CLEC16A: variants seen among roughly 807,000 people sequenced by gnomAD.
CLEC16A encodes protein CLEC16A.
In CLEC16A, 51 loss-of-function variants were observed where a neutral mutation model predicts 109.5. The observed-to-expected ratio is 0.47, with a 90% CI of 0.37 to 0.59. CLEC16A has a LOEUF of 0.59. Ranked by LOEUF, CLEC16A falls within the 20% of genes least tolerant of loss-of-function variation. The pLI, the probability that CLEC16A is intolerant of heterozygous loss-of-function variation, is 0.00. For missense variants in CLEC16A, 1,339 were observed against 1,394.0 expected (o/e 0.96, Z 0.63); for synonymous variants, 673 against 564.2 (o/e 1.19, Z -2.73).
intron 6 of CLEC16A, 60 bp from the exon 7 acceptor site, chr16:10,972,878 A>G: frequency 1.4e-6 from 2 of 1,460,646 alleles, no homozygotes; most frequent in South Asian, 1.4e-5. Flanking sequence ...TTTTTTTTTT[A>G]ATCTTCCCCA....
chr16:11,053,968 A>G (rs897154159), intron 18 of CLEC16A, among the ~76,000 whole-genome samples: 1 of 152,274 alleles, frequency 6.6e-6, no homozygotes, highest in Non-Finnish European at 1.5e-5. Context: ...GCATTAGGTC[A>G]GGTCACTAAT....
intron 9 of CLEC16A, among the ~76,000 whole-genome samples, chr16:10,979,783 T>C (rs1270404303): frequency 6.6e-6 from 1 of 152,134 alleles, no homozygotes. Flanking sequence ...GCAACCTTGG[T>C]GTAACAAACT....
intron 19 of CLEC16A, among the ~76,000 whole-genome samples, chr16:11,108,418 G>T (rs987247741): frequency 2.0e-5 from 3 of 152,262 alleles, no homozygotes; most frequent in African/African-American, 4.8e-5. Context: ...CCACCAGGGA[G>T]TTAAACCCTC....
intron 19 of CLEC16A, among the ~76,000 whole-genome samples, chr16:11,082,385 C>A (rs2049775343): frequency 6.6e-6 from 1 of 152,222 alleles, no homozygotes; most frequent in Non-Finnish European, 1.5e-5. Context: ...TCCGGTCTTT[C>A]AATTCTCTTC....
Position 11,120,599 on chromosome 16 carries a change from A to C in CLEC16A, c.2117-16A>C, listed in dbSNP as rs989027020. 3 of 1,600,532 alleles carry C rather than the reference A, an allele frequency of 1.9e-6. No individual in the cohort carries two copies. The highest frequency in any genetic ancestry group is 2.6e-6 in the Non-Finnish European group (3 of 1,171,884). ...CCAGACTGTGCCTCATTCTCTTCTC[A>C]CCTTCCTCCTCCCAGATAACAGCGA... On this transcript the variant is annotated splice_polypyrimidine_tract_variant and intron_variant, in intron 19 of 23. Transcript: ENST00000409790.
intron 19 of CLEC16A, among the ~76,000 whole-genome samples, chr16:11,065,064 A>T (rs1416203312): frequency 6.6e-6 from 1 of 152,210 alleles, no homozygotes; most frequent in African/African-American, 2.4e-5. Context: ...AGAAAGATAT[A>T]GCTCTGGCTG....
At chr16:11,073,375 C>G (rs1376461257) in intron 19 of CLEC16A, among the ~76,000 whole-genome samples, 1 of 152,118 alleles carries the variant, frequency 6.6e-6, no homozygotes, top group Non-Finnish European at 1.5e-5. Context: ...ATCATCAGCT[C>G]CCTGGACTCC....
At chr16:11,157,515 A>T (rs931367587) in intron 22 of CLEC16A, among the ~76,000 whole-genome samples, 1 of 152,254 alleles carries the variant, frequency 6.6e-6, no homozygotes, top group African/African-American at 2.4e-5. Flanking sequence ...GTCTCTGTGC[A>T]TATACCTGAA....
At position 10,991,582 on chromosome 16, in the gene CLEC16A, A is replaced by G. The variant is rs566069889; in HGVS notation, c.1071+8591A>G. 5.9e-5 allele frequency among the ~76,000 whole-genome samples: 9 copies of G among 152,302 alleles called. No individual in the cohort carries two copies. The South Asian group carries it at 1.4e-3, about 25-fold the overall frequency. On this transcript the variant is annotated intron_variant, in intron 10 of 23. Coordinates refer to ENST00000409790, the MANE Select transcript of CLEC16A (RefSeq NM_015226.3). ...CAAGTGTCCAAGGGACATGGCACCT[A>G]TGTGCCATTGGAGGACTCAGGAGTT...
intron 19 of CLEC16A, among the ~76,000 whole-genome samples, chr16:11,079,777 A>G (rs980312147): frequency 6.6e-6 from 1 of 152,122 alleles, no homozygotes; most frequent in Non-Finnish European, 1.5e-5. Flanking sequence ...ACTCTCTCCC[A>G]GCTATGGTTT....
chr16:11,153,006 C>T (rs1472355658), intron 22 of CLEC16A, among the ~76,000 whole-genome samples: 1 of 152,142 alleles, frequency 6.6e-6, no homozygotes, highest in Non-Finnish European at 1.5e-5. Flanking sequence ...ACCCCGACCC[C>T]GCAGCCTCTG....
intron 19 of CLEC16A, among the ~76,000 whole-genome samples, chr16:11,088,060 G>A (rs968099236): frequency 6.6e-6 from 1 of 152,226 alleles, no homozygotes; most frequent in Non-Finnish European, 1.5e-5. Flanking sequence ...CCCTGTTAGA[G>A]CTTTCTCTCA....
In CLEC16A at chr16:11,153,504, A is replaced by G. The variant is rs117959900; in HGVS notation, c.2642-12884A>G. ...TTGTGCTTTGGTTCTTACCTCTAAC[A>G]GATTAAAAAGGCTAAACAATGAAAC... On this transcript the variant is annotated intron_variant, in intron 22 of 23. Transcript: ENST00000409790. Among the ~76,000 whole-genome samples the G allele has an allele frequency of 2.9e-3, 435 of 151,746 alleles. 19 individuals carry two copies. The East Asian group carries it at 0.077, about 27-fold the overall frequency.
chr16:11,120,842 C>CCAT (rs2052357626), intron 20 of CLEC16A, 76 bp downstream of exon 20: 1 of 1,095,756 alleles, frequency 9.1e-7, no homozygotes, highest in African/African-American at 1.6e-5. Context: ...ACACACACCA[C>CCAT]ACACAATTGT....
In CLEC16A at chr16:10,956,959, G is replaced by A. The variant is rs529522954; in HGVS notation, c.81-823G>A. Reference sequence around the variant, plus strand: ...ATTACAGACTTCGCCACCACACCCAGCTAATGTTTGTATTTTTAGTAGAGA... The same window carrying A: ...ATTACAGACTTCGCCACCACACCCAACTAATGTTTGTATTTTTAGTAGAGA... On this transcript the variant is annotated intron_variant, in intron 1 of 23. Transcript: ENST00000409790. 2.6e-5 allele frequency among the ~76,000 whole-genome samples: 4 copies of A among 152,218 alleles called. No homozygotes were observed. The East Asian group carries it at 7.7e-4, about 29-fold the overall frequency.
Position 11,057,742 on chromosome 16 carries a change from G to A in CLEC16A, c.1996-3160G>A, listed in dbSNP as rs183179809. 6.8e-4 allele frequency among the ~76,000 whole-genome samples: 104 copies of A among 152,234 alleles called. 1 individual carries two copies. Among genetic ancestry groups the A allele is most frequent in the Non-Finnish European group, 1.1e-3 (75 of 68,012 alleles). The stretch of plus-strand genomic sequence containing the variant: ...TTGCGTCTTTATTTAGCAAAGAAAA[G>A]CGCTCAATAAAACCCTGGGTCCCAA... On this transcript the variant is annotated intron_variant, in intron 18 of 23. Transcript: ENST00000409790.
chr16:11,051,677 C>G (rs763219144), intron 18 of CLEC16A, 36 bp downstream of exon 18: 2 of 1,607,918 alleles, frequency 1.2e-6, no homozygotes, highest in South Asian at 2.2e-5. Context: ...TCCTGGGCCA[C>G]TGTTCTCCAG....
At chr16:11,025,310 G>A (rs1406720947) in intron 13 of CLEC16A, among the ~76,000 whole-genome samples, 1 of 152,108 alleles carries the variant, frequency 6.6e-6, no homozygotes, top group Non-Finnish European at 1.5e-5. Context: ...TATAACACTT[G>A]GTGTTCTTAT....
Position 10,956,828 on chromosome 16 carries a change from G to A in CLEC16A, c.81-954G>A, listed in dbSNP as rs138046643. On this transcript the variant is annotated intron_variant, in intron 1 of 23. Transcript: ENST00000409790. ...TATTTATTTATTTATTTAGACTCTC[G>A]CTCTGTCACCCAGGCTGGAGTGCAA... Among the ~76,000 whole-genome samples, 65 of 151,690 alleles carry A rather than the reference G, an allele frequency of 4.3e-4. No individual in the cohort carries two copies. The East Asian group carries it at 0.011, about 26-fold the overall frequency.
Sources: allele counts gnomAD v4.1 joint callset (sites outside exome capture counted in the v4.1 genomes callset), GRCh38; gene constraint gnomAD v4.1.1; transcripts MANE v1.5; gene names NCBI Gene and HGNC (gene_info 2026-07-23, HGNC 2026-07-21).